Variants in SRGAP1 observed in about 807,000 individuals in gnomAD.
SRGAP1 encodes the protein SLIT-ROBO Rho GTPase activating protein 1.
A neutral mutation model predicts 121.9 loss-of-function variants in SRGAP1; 43 were observed. That is an observed-to-expected ratio of 0.35 (90% CI 0.28 to 0.46). The LOEUF is 0.46. Among genes scored for constraint, SRGAP1 ranks in the 20% least tolerant of loss-of-function variants. SRGAP1 has a pLI of 1.00. For missense variants in SRGAP1, 1,102 were observed against 1,350.9 expected (o/e 0.82, Z 2.89); for synonymous variants, 447 against 485.4 (o/e 0.92, Z 1.04).
intron 1 of SRGAP1, among the ~76,000 whole-genome samples, chr12:63,874,980 A>T (rs1899983911): frequency 6.6e-6 from 1 of 152,114 alleles, no homozygotes; most frequent in African/African-American, 2.4e-5. Flanking sequence ...CAGTTGCATG[A>T]TCATAGTTCA....
At chr12:63,926,846 T>G (rs2031280019) in intron 1 of SRGAP1, among the ~76,000 whole-genome samples, 1 of 152,206 alleles carries the variant, frequency 6.6e-6, no homozygotes, top group Admixed American at 6.5e-5. Context: ...ATTCCCTACC[T>G]TCGTATTATG....
At chr12:63,992,660 T>TACACACACACACACACAC (rs59798383) in intron 3 of SRGAP1, among the ~76,000 whole-genome samples, 89 of 138,566 alleles carry the variant, frequency 6.4e-4, no homozygotes, top group African/African-American at 1.9e-3. Context: ...GCACAGTAAA[T>TACACACACACACACACAC]ACACACACAC....
At chr12:63,874,439 G>A (rs548530521) in intron 1 of SRGAP1, among the ~76,000 whole-genome samples, 20 of 152,166 alleles carry the variant, frequency 1.3e-4, no homozygotes, top group Admixed American at 2.6e-4. Context: ...TCCTGACCTC[G>A]TGATCCGCCT....
At chr12:63,916,253 G>A (rs1247880627) in intron 1 of SRGAP1, among the ~76,000 whole-genome samples, 1 of 151,956 alleles carries the variant, frequency 6.6e-6, no homozygotes, top group African/African-American at 2.4e-5. Flanking sequence ...TCAAATTCCT[G>A]AGCTCTAGGG....
intron 1 of SRGAP1, among the ~76,000 whole-genome samples, chr12:63,872,824 A>G (rs1176155328): frequency 6.6e-6 from 1 of 152,214 alleles, no homozygotes. Flanking sequence ...AAAGTAAACA[A>G]AGATTTGCCA....
chr12:63,877,242 A>G (rs1900059122), intron 1 of SRGAP1, among the ~76,000 whole-genome samples: 1 of 152,148 alleles, frequency 6.6e-6, no homozygotes, highest in Admixed American at 6.5e-5. Flanking sequence ...GAAAGAGAAA[A>G]TAATGGATGG....
chr12:64,154,603 G>T lies in SRGAP1; in HGVS notation c.*11931G>T, dbSNP rs1321149276. ...GAATATATTGATATATACTTAAAAA[G>T]AATGACTGGGGAAAGGAAGAAGTTG... On this transcript the variant is annotated 3_prime_UTR_variant, in exon 22 of 22. Transcript: ENST00000355086. 6.6e-6 allele frequency: 1 copy of T among 152,158 alleles called. No individual in the cohort carries two copies. The highest frequency in any genetic ancestry group is 1.9e-4 in the East Asian group (1 of 5,200). The allele number at this position is 152,158 out of a possible 1,614,324, so 9.4% of individuals were successfully genotyped here.
At chr12:63,857,985 T>C (rs1423081032) in intron 1 of SRGAP1, among the ~76,000 whole-genome samples, 3 of 152,232 alleles carry the variant, frequency 2.0e-5, no homozygotes, top group African/African-American at 7.2e-5. Flanking sequence ...ATAGGTAAAG[T>C]GCAAATCTTT....
chr12:63,950,850 A>G (rs909258241), intron 1 of SRGAP1, among the ~76,000 whole-genome samples: 6 of 152,064 alleles, frequency 3.9e-5, no homozygotes, highest in Non-Finnish European at 7.4e-5. Flanking sequence ...CTCTTCTGGA[A>G]AAGCCTACCT....
intron 1 of SRGAP1, among the ~76,000 whole-genome samples, chr12:63,923,341 G>A (rs190335134): frequency 8.5e-5 from 13 of 152,126 alleles, no homozygotes; most frequent in East Asian, 7.7e-4. Flanking sequence ...TATAACGGCC[G>A]TACTTACAAC....
chr12:63,878,273 T>C (rs1449744107), intron 1 of SRGAP1, among the ~76,000 whole-genome samples: 1 of 152,220 alleles, frequency 6.6e-6, no homozygotes, highest in Non-Finnish European at 1.5e-5. Flanking sequence ...TTGTGGGCTC[T>C]TCAATTTCTG....
chr12:63,908,247 A>G (rs977723372), intron 1 of SRGAP1, among the ~76,000 whole-genome samples: 1 of 152,156 alleles, frequency 6.6e-6, no homozygotes, highest in African/African-American at 2.4e-5. Context: ...CAGAAATTCA[A>G]ACTAGCTGAG....
chr12:63,894,090 C>T (rs1416108890), intron 1 of SRGAP1, among the ~76,000 whole-genome samples: 1 of 152,248 alleles, frequency 6.6e-6, no homozygotes, highest in African/African-American at 2.4e-5. Flanking sequence ...CTGCCTGCCT[C>T]AGCCTCCCAA....
chr12:64,017,702 T>G (rs1281895037), intron 4 of SRGAP1, among the ~76,000 whole-genome samples: 1 of 151,888 alleles, frequency 6.6e-6, no homozygotes, highest in Non-Finnish European at 1.5e-5. Flanking sequence ...GCAATTTAGG[T>G]TGCGTTATTC....
intron 6 of SRGAP1, among the ~76,000 whole-genome samples, chr12:64,047,454 A>G (rs1476646829): frequency 1.3e-5 from 2 of 152,176 alleles, no homozygotes; most frequent in Non-Finnish European, 2.9e-5. Context: ...TACATCTTAT[A>G]CTGAGCTATC....
At chr12:63,934,820 A>AT (rs1213974648) in intron 1 of SRGAP1, among the ~76,000 whole-genome samples, 2 of 152,100 alleles carry the variant, frequency 1.3e-5, no homozygotes, top group Non-Finnish European at 2.9e-5. Flanking sequence ...ACATATTTTC[A>AT]TTGATTTCCT....
At chr12:64,113,766 C>T (rs1338844383) in intron 17 of SRGAP1, among the ~76,000 whole-genome samples, 1 of 152,128 alleles carries the variant, frequency 6.6e-6, no homozygotes, top group Non-Finnish European at 1.5e-5. Context: ...TAGGAAAGGC[C>T]AAGGAGCCTT....
intron 18 of SRGAP1, among the ~76,000 whole-genome samples, chr12:64,124,199 G>A (rs747049331): frequency 6.5e-4 from 99 of 152,106 alleles, no homozygotes; most frequent in Non-Finnish European, 2.1e-4. Flanking sequence ...TTATGCTTTC[G>A]CCTTCTATGT....
intron 1 of SRGAP1, among the ~76,000 whole-genome samples, chr12:63,857,619 A>T: frequency 6.8e-6 from 1 of 146,994 alleles, no homozygotes; most frequent in East Asian, 2.0e-4. Context: ...CCAGACATCA[A>T]GTGATCCACC....
Sources: allele counts gnomAD v4.1 joint callset (sites outside exome capture counted in the v4.1 genomes callset), GRCh38; gene constraint gnomAD v4.1.1; transcripts MANE v1.5; gene names NCBI Gene and HGNC (gene_info 2026-07-23, HGNC 2026-07-21).